The following TNFRSF11B variants were observed in gnomAD, a reference collection of about 807,000 sequenced individuals.
The protein encoded by TNFRSF11B is tumor necrosis factor receptor superfamily member 11B.
In TNFRSF11B, 16 loss-of-function variants were observed where a neutral mutation model predicts 43.4. That is an observed-to-expected ratio of 0.37 (90% CI 0.25 to 0.56). The LOEUF is 0.56. Among genes scored for constraint, TNFRSF11B ranks in the 20% least tolerant of loss-of-function variants. The pLI, the probability that TNFRSF11B is intolerant of heterozygous loss-of-function variation, is 0.80. For synonymous variants in TNFRSF11B, 185 were observed against 181.8 expected, an observed-to-expected ratio of 1.02 and a Z score of -0.14; for missense variants, 444 against 490.1, an observed-to-expected ratio of 0.91 and a Z score of 0.89.
At chr8:118,942,547 A>G (rs1165079661) in intron 1 of TNFRSF11B, among the ~76,000 whole-genome samples, 1 of 152,148 alleles carries the variant, frequency 6.6e-6, no homozygotes, top group African/African-American at 2.4e-5. Flanking sequence ...GAAACATCAT[A>G]TTGGAAGCCC....
At position 118,923,684 on chromosome 8, in the gene TNFRSF11B, C is replaced by T. The variant is rs945587981; in HGVS notation, c.*690G>A. 2 of 152,392 alleles carry T rather than the reference C, an allele frequency of 1.3e-5. No homozygotes were observed. The highest frequency in any genetic ancestry group is 1.9e-4 in the East Asian group (1 of 5,200). The allele number at this position is 152,392 out of a possible 1,614,324, so 9.4% of individuals were successfully genotyped here. ...AGATAATTTATATTTCATATGTTTT[C>T]CAACATTAAACAATTGACTAAATAA... On this transcript the variant is annotated 3_prime_UTR_variant, in exon 5 of 5. Coordinates refer to ENST00000297350, the MANE Select transcript of TNFRSF11B (RefSeq NM_002546.4).
At chr8:118,948,776 A>C (rs1433942201) in intron 1 of TNFRSF11B, among the ~76,000 whole-genome samples, 8 of 120,380 alleles carry the variant, frequency 6.6e-5, no homozygotes, top group Non-Finnish European at 1.0e-4. Context: ...AAACAACAAA[A>C]AAACAAACAA....
At chr8:118,927,541 C>G (rs1812260028) in intron 3 of TNFRSF11B, among the ~76,000 whole-genome samples, 1 of 133,422 alleles carries the variant, frequency 7.5e-6, no homozygotes, top group African/African-American at 2.7e-5. Context: ...CTTTTAATAC[C>G]CCTTCCTTCA....
chr8:118,935,621 C>T (rs1405394762), intron 1 of TNFRSF11B, among the ~76,000 whole-genome samples: 1 of 152,066 alleles, frequency 6.6e-6, no homozygotes, highest in Non-Finnish European at 1.5e-5. Context: ...ATATATGATA[C>T]ATAATTCAGG....
In TNFRSF11B at chr8:118,924,179, G is replaced by A. The variant is rs1421587207; in HGVS notation, c.*195C>T. ...AGATAACGATCCAGATCTGACAGTTGGATTAACCATTTGGGGTTTATTGGA... is the reference window on the plus strand; with the variant it reads ...AGATAACGATCCAGATCTGACAGTTAGATTAACCATTTGGGGTTTATTGGA... On this transcript the variant is annotated 3_prime_UTR_variant, in exon 5 of 5. Transcript: ENST00000297350. 5.0e-6 allele frequency: 3 copies of A among 597,494 alleles called. No individual in the cohort carries two copies. The highest frequency in any genetic ancestry group is 5.7e-5 in the Admixed American group (2 of 35,022). The allele number at this position is 597,494 out of a possible 1,614,324, so 37.0% of individuals were successfully genotyped here. A position where few individuals can be genotyped will look rare whatever the true frequency, so the allele number is the denominator to read the frequency against.
At chr8:118,929,233 T>A (rs1346086488) in intron 2 of TNFRSF11B, among the ~76,000 whole-genome samples, 1 of 152,248 alleles carries the variant, frequency 6.6e-6, no homozygotes, top group East Asian at 1.9e-4. Flanking sequence ...CAGCCTCCGC[T>A]GAGTGGCAGT....
At chr8:118,943,608 T>TGAGACA in intron 1 of TNFRSF11B, among the ~76,000 whole-genome samples, 1 of 152,160 alleles carries the variant, frequency 6.6e-6, no homozygotes, top group Admixed American at 6.6e-5. Flanking sequence ...TCCTTATCTC[T>TGAGACA]GAGATAGAGA....
intron 1 of TNFRSF11B, among the ~76,000 whole-genome samples, chr8:118,949,807 T>C (rs1470572113): frequency 6.6e-6 from 1 of 152,228 alleles, no homozygotes; most frequent in Non-Finnish European, 1.5e-5. Context: ...ATGCCCATTA[T>C]AAAGAAATAA....
At chr8:118,939,094 T>A (rs1407728046) in intron 1 of TNFRSF11B, among the ~76,000 whole-genome samples, 1 of 152,202 alleles carries the variant, frequency 6.6e-6, no homozygotes, top group Non-Finnish European at 1.5e-5. Flanking sequence ...AGTTTACAGT[T>A]CGTCTTAGCC....
intron 1 of TNFRSF11B, among the ~76,000 whole-genome samples, chr8:118,934,429 C>T (rs1441098146): frequency 1.3e-5 from 2 of 152,206 alleles, no homozygotes; most frequent in African/African-American, 4.8e-5. Context: ...GACCACATCT[C>T]TTCAGGTGTA....
intron 1 of TNFRSF11B, among the ~76,000 whole-genome samples, chr8:118,948,539 G>A (rs983398328): frequency 2.6e-5 from 4 of 152,040 alleles, no homozygotes; most frequent in Admixed American, 6.6e-5. Flanking sequence ...AGAACTAACC[G>A]GATAAACCAT....
intron 1 of TNFRSF11B, among the ~76,000 whole-genome samples, chr8:118,936,752 C>T (rs74471684): frequency 3.9e-5 from 6 of 151,970 alleles, no homozygotes; most frequent in East Asian, 3.9e-4. Flanking sequence ...GAAGGTACTC[C>T]GAGATCGCGC....
At chr8:118,926,146 T>G (rs1028251329) in intron 4 of TNFRSF11B, among the ~76,000 whole-genome samples, 2 of 152,172 alleles carry the variant, frequency 1.3e-5, no homozygotes, top group African/African-American at 4.8e-5. Context: ...ACAAAGTGGT[T>G]ATAGAGCTTC....
chr8:118,946,863 C>T (rs183476066), intron 1 of TNFRSF11B, among the ~76,000 whole-genome samples: 98 of 152,268 alleles, frequency 6.4e-4, no homozygotes, highest in Admixed American at 2.9e-3. Flanking sequence ...GTTACAAACA[C>T]ATAAAATTTA....
At chr8:118,949,729 G>A (rs941470718) in intron 1 of TNFRSF11B, among the ~76,000 whole-genome samples, 6 of 152,242 alleles carry the variant, frequency 3.9e-5, no homozygotes, top group African/African-American at 1.4e-4. Context: ...ATTAGACTAT[G>A]GGTCCATGGT....
chr8:118,928,368 T>G (rs540044349), intron 3 of TNFRSF11B, among the ~76,000 whole-genome samples: 2 of 152,312 alleles, frequency 1.3e-5, no homozygotes, highest in South Asian at 4.1e-4. Context: ...GTTGCCAATT[T>G]ATACTTTAGT....
At chr8:118,931,831 G>A (rs901864735) in intron 2 of TNFRSF11B, among the ~76,000 whole-genome samples, 6 of 152,174 alleles carry the variant, frequency 3.9e-5, no homozygotes. Flanking sequence ...AGTTAAAATA[G>A]TTACAGATAC....
At chr8:118,926,940 T>A (rs1255428880) in intron 3 of TNFRSF11B, among the ~76,000 whole-genome samples, 2 of 152,246 alleles carry the variant, frequency 1.3e-5, no homozygotes, top group Non-Finnish European at 2.9e-5. Context: ...GGCATTGTTT[T>A]CAAGAGAAAG....
At chr8:118,941,536 G>C (rs1812485715) in intron 1 of TNFRSF11B, among the ~76,000 whole-genome samples, 1 of 152,156 alleles carries the variant, frequency 6.6e-6, no homozygotes, top group South Asian at 2.1e-4. Context: ...TTAACTTTCA[G>C]TGTAATTTTT....
Sources: gnomAD v4.1 joint callset for allele counts (sites outside exome capture counted in the v4.1 genomes callset) on GRCh38, gnomAD v4.1.1 for gene constraint, MANE v1.5 for transcripts, NCBI Gene and HGNC (gene_info 2026-07-23, HGNC 2026-07-21) for gene names.